Variants in PDE2A observed in about 807,000 individuals in gnomAD.
PDE2A encodes phosphodiesterase 2A, also known as cGMP-dependent 3',5'-cyclic phosphodiesterase.
In PDE2A, 53 loss-of-function variants were observed where a neutral mutation model predicts 133.6. The ratio of observed to expected loss-of-function variants is 0.40; its 90% CI spans 0.32 to 0.50. The LOEUF is 0.50. PDE2A is among the 20% of genes least tolerant of loss of function. The pLI is 0.73. For synonymous variants in PDE2A, 491 were observed against 490.2 expected (o/e 1.00, Z -0.02); for missense variants, 796 against 1,232.4 (o/e 0.65, Z 5.30).
Position 72,592,569 on chromosome 11 carries a change from A to T in PDE2A, c.490-1213T>A, listed in dbSNP as rs145222397. Among the ~76,000 whole-genome samples, 14 of 152,300 alleles carry T rather than the reference A, an allele frequency of 9.2e-5. No individual in the cohort carries two copies. In the East Asian group the frequency reaches 2.7e-3, roughly 29 times the overall value. ...CTTCCTGAATTGGCATGGGGAGGACAAGTAGACCTTGAAGAGACCAGGACA... is the reference window on the plus strand; with the variant it reads ...CTTCCTGAATTGGCATGGGGAGGACTAGTAGACCTTGAAGAGACCAGGACA... On this transcript the variant is annotated intron_variant, in intron 6 of 30. Transcript: ENST00000334456.
intron 23 of PDE2A, 35 bp downstream of exon 23, chr11:72,581,322 T>G: frequency 6.2e-7 from 1 of 1,610,338 alleles, no homozygotes; most frequent in Non-Finnish European, 8.5e-7. Flanking sequence ...GGGACCCCAG[T>G]GGCTGCCAGA....
intron 1 of PDE2A, among the ~76,000 whole-genome samples, chr11:72,661,588 G>A (rs754114524): frequency 6.6e-6 from 1 of 152,208 alleles, no homozygotes; most frequent in East Asian, 1.9e-4. Flanking sequence ...CCCTATCAAG[G>A]AGGCAGAAGT....
intron 2 of PDE2A, among the ~76,000 whole-genome samples, chr11:72,625,331 G>A (rs7123937): frequency 0.057 from 8,742 of 152,254 alleles, 851 homozygotes; most frequent in African/African-American, 0.2. Flanking sequence ...CCAGCCCCAG[G>A]GTGCCCAGAC....
At chr11:72,630,297 C>A (rs954758863) in intron 2 of PDE2A, among the ~76,000 whole-genome samples, 1 of 152,114 alleles carries the variant, frequency 6.6e-6, no homozygotes, top group African/African-American at 2.4e-5. Flanking sequence ...TACAGAGTCA[C>A]GTGATGGAGA....
chr11:72,587,669 G>C (rs144791038), intron 13 of PDE2A: 1 of 152,302 alleles, frequency 6.6e-6, no homozygotes, highest in East Asian at 1.9e-4. Context: ...GCAACATTAA[G>C]TGCTCAATAT....
intron 2 of PDE2A, among the ~76,000 whole-genome samples, chr11:72,617,994 C>T (rs1230342382): frequency 1.3e-5 from 2 of 152,148 alleles, no homozygotes; most frequent in Non-Finnish European, 2.9e-5. Flanking sequence ...TCCCCAGGGC[C>T]GGGGTCTCTC....
In PDE2A at chr11:72,582,450, C is replaced by A. The variant is rs116604680; in HGVS notation, c.1845G>T (p.Thr615=). 1 of 1,613,848 alleles carries A rather than the reference C, an allele frequency of 6.2e-7. No individual in the cohort carries two copies. Among genetic ancestry groups the A allele is most frequent in the East Asian group, 2.2e-5 (1 of 44,882 alleles). Residue 615 remains threonine, a synonymous_variant, in exon 21 of 31, where the codon ACG becomes ACT. Transcript: ENST00000334456. Reference sequence around the variant, plus strand: ...GTGGAGGAGAGCAACTCACCATGGACGTGTCATCCTCGGGCAGGGAACGAG... The same window carrying A: ...GTGGAGGAGAGCAACTCACCATGGAAGTGTCATCCTCGGGCAGGGAACGAG... ...YTPRSLPEDD[T]SMAILSMLQD...
At chr11:72,671,261 T>C (rs956280336) in intron 1 of PDE2A, among the ~76,000 whole-genome samples, 1 of 152,202 alleles carries the variant, frequency 6.6e-6, no homozygotes, top group Non-Finnish European at 1.5e-5. Flanking sequence ...GTCTGCTCTG[T>C]GTCCCCGGTG....
chr11:72,670,785 G>T (rs1855367201), intron 1 of PDE2A, among the ~76,000 whole-genome samples: 1 of 152,144 alleles, frequency 6.6e-6, no homozygotes, highest in African/African-American at 2.4e-5. Context: ...GCCAGGCTGG[G>T]TAGCCTGGAG....
intron 1 of PDE2A, among the ~76,000 whole-genome samples, chr11:72,673,248 C>T (rs59703292): frequency 0.082 from 12,486 of 152,126 alleles, 556 homozygotes; most frequent in East Asian, 0.12. Flanking sequence ...GCAGACCAAC[C>T]TGCACTCACA....
chr11:72,584,370 A>T, intron 18 of PDE2A, 57 bp from the exon 19 acceptor site: 1 of 1,324,416 alleles, frequency 7.6e-7, no homozygotes, highest in Non-Finnish European at 1.1e-6. Flanking sequence ...GGTTGGAGGG[A>T]GGGATCCGGC....
chr11:72,660,323 A>G (rs1299798584), intron 1 of PDE2A, among the ~76,000 whole-genome samples: 2 of 152,076 alleles, frequency 1.3e-5, no homozygotes, highest in African/African-American at 4.8e-5. Context: ...CAGAACTGGC[A>G]GCCATGCAGA....
chr11:72,636,075 T>C (rs1402552712), intron 2 of PDE2A: 3 of 1,261,390 alleles, frequency 2.4e-6, no homozygotes, highest in Non-Finnish European at 3.1e-6. Context: ...CCAACTCCCT[T>C]AGGGTGGGAG....
chr11:72,646,023 C>T (rs1859119920), intron 1 of PDE2A, among the ~76,000 whole-genome samples: 1 of 152,230 alleles, frequency 6.6e-6, no homozygotes, highest in Admixed American at 6.5e-5. Context: ...GATTTCCCAG[C>T]TCCTCTTTTG....
chr11:72,635,487 G>A (rs962955708), intron 2 of PDE2A, among the ~76,000 whole-genome samples: 2 of 152,142 alleles, frequency 1.3e-5, no homozygotes, highest in Non-Finnish European at 2.9e-5. Flanking sequence ...CTAGCTCCTA[G>A]AGCCTCAGCA....
intron 1 of PDE2A, among the ~76,000 whole-genome samples, chr11:72,662,078 C>T (rs1478545761): frequency 5.9e-5 from 9 of 152,026 alleles, no homozygotes; most frequent in South Asian, 2.1e-4. Context: ...AGATTGTGTC[C>T]GGGTTTCGGT....
At chr11:72,607,413 G>A (rs1857019559) in intron 3 of PDE2A, among the ~76,000 whole-genome samples, 1 of 152,122 alleles carries the variant, frequency 6.6e-6, no homozygotes, top group South Asian at 2.1e-4. Flanking sequence ...TCCCTTTCCA[G>A]ATGTGCCTTC....
intron 4 of PDE2A, 142 bp downstream of exon 4, chr11:72,604,996 C>G: frequency 1.9e-6 from 1 of 527,744 alleles, no homozygotes; most frequent in Non-Finnish European, 3.4e-6. Flanking sequence ...AGTCAGCAAC[C>G]TGGCCAAGGA....
At chr11:72,639,346 C>T (rs1356963632) in intron 2 of PDE2A, among the ~76,000 whole-genome samples, 1 of 152,204 alleles carries the variant, frequency 6.6e-6, no homozygotes, top group Non-Finnish European at 1.5e-5. Flanking sequence ...TGCAGCCACA[C>T]AGAGAAGGGG....
Sources: allele counts gnomAD v4.1 joint callset (sites outside exome capture counted in the v4.1 genomes callset), GRCh38; gene constraint gnomAD v4.1.1; transcripts MANE v1.5; gene names NCBI Gene and HGNC (gene_info 2026-07-23, HGNC 2026-07-21).